ZNF14: variants seen among roughly 807,000 people sequenced by gnomAD.
ZNF14 encodes the protein zinc finger protein 14, also known as gonadotropin inducible transcription repressor-4.
A neutral mutation model predicts 11.3 loss-of-function variants in ZNF14; 9 were observed. The observed-to-expected ratio is 0.80, with a 90% CI of 0.48 to 1.39. ZNF14 has a LOEUF of 1.39. Among genes scored for constraint, ZNF14 ranks in the 40% most tolerant of loss-of-function variants. The pLI, the probability that ZNF14 is intolerant of heterozygous loss-of-function variation, is 0.00. For missense variants in ZNF14, 711 were observed against 763.9 expected, an observed-to-expected ratio of 0.93 and a Z score of 0.82; for synonymous variants, 239 against 245.7, an observed-to-expected ratio of 0.97 and a Z score of 0.25.
At chr19:19,713,748 C>T (rs968280380) in intron 3 of ZNF14, among the ~76,000 whole-genome samples, 9 of 120,202 alleles carry the variant, frequency 7.5e-5, no homozygotes, top group South Asian at 2.8e-4. Flanking sequence ...TGTGCCAGGC[C>T]TTTTTTTTTT....
chr19:19,724,956 A>G lies in ZNF14; in HGVS notation c.3+8000T>C, dbSNP rs1284676788. Among the ~76,000 whole-genome samples the G allele has an allele frequency of 3.8e-5, 5 of 132,442 alleles. 2 individuals carry two copies. Among genetic ancestry groups the G allele is most frequent in the African/African-American group, 1.4e-4 (5 of 35,706 alleles). The allele number at this position is 132,442 out of a possible 152,430, so 86.9% of individuals were successfully genotyped here. A position where few individuals can be genotyped will look rare whatever the true frequency, so the allele number is the denominator to read the frequency against. ...TTGGTAGATCTTCCTTTGTCCCTTT[A>G]TCTTGAGCCTATGTGTGTCTCTGCA... On this transcript the variant is annotated intron_variant, in intron 1 of 3. Transcript: ENST00000344099.
chr19:19,723,277 T>C (rs1477239376), intron 1 of ZNF14, among the ~76,000 whole-genome samples: 3 of 152,236 alleles, frequency 2.0e-5, no homozygotes, highest in African/African-American at 7.2e-5. Flanking sequence ...ATTGGGAGTT[T>C]TTAGCATGAA....
In ZNF14 at chr19:19,712,197, G is replaced by A. The variant is rs765849464; in HGVS notation, c.1084C>T (p.Pro362Ser). 6 of 1,613,890 alleles carry A rather than the reference G, an allele frequency of 3.7e-6. No individual in the cohort carries two copies. The highest frequency in any genetic ancestry group is 3.4e-6 in the Non-Finnish European group (4 of 1,180,012). Residue 362 changes from proline to serine, a missense_variant, in exon 4 of 4, where the codon CCA becomes TCA. Coordinates refer to ENST00000344099, the MANE Select transcript of ZNF14 (RefSeq NM_021030.3). ...TTGCCACATCGTTTACATTCATATGGTTTTTCTCCAATATGAGTTCTTTCA... is the reference window on the plus strand; with the variant it reads ...TTGCCACATCGTTTACATTCATATGATTTTTCTCCAATATGAGTTCTTTCA... ...VHERTHIGEKPYECKRCGKSF... is the reference protein window; with the variant it reads ...VHERTHIGEKSYECKRCGKSF...
chr19:19,721,910 C>G (rs2062394184), intron 1 of ZNF14, among the ~76,000 whole-genome samples: 1 of 151,086 alleles, frequency 6.6e-6, no homozygotes, highest in African/African-American at 2.4e-5. Flanking sequence ...ATGCAGTGAG[C>G]CAACATTGCG....
Position 19,712,052 on chromosome 19 carries a change from T to C in ZNF14, c.1229A>G (p.Glu410Gly), listed in dbSNP as rs2062362411. 1.9e-6 allele frequency: 3 copies of C among 1,613,850 alleles called. No individual in the cohort carries two copies. The Admixed American group carries it at 5.0e-5, about 27-fold the overall frequency. The change falls in exon 4 of 4, where the codon GAA becomes GGA. Residue 410 changes from glutamate to glycine, a missense_variant. Transcript: ENST00000344099. ...FSFSSSLREH[E>G]TTHTGEKPYE... ...GGGTTTCTCTCCAGTGTGAGTTGTT[T>C]CGTGTTCTCGAAGGGAACTTGAAAA... is the stretch of plus-strand genomic sequence containing the variant.
At chr19:19,721,011 G>A (rs533673311) in intron 1 of ZNF14, among the ~76,000 whole-genome samples, 21 of 152,202 alleles carry the variant, frequency 1.4e-4, no homozygotes, top group African/African-American at 4.3e-4. Flanking sequence ...AGGTTGGAGC[G>A]CAGTGGCGCG....
At chr19:19,714,039 T>G (rs931167254) in intron 3 of ZNF14, 52 bp downstream of exon 3, 7 of 1,474,552 alleles carry the variant, frequency 4.7e-6, no homozygotes, top group East Asian at 2.3e-5. Flanking sequence ...TTTTGCTTGC[T>G]TTCTTTTGAA....
At chr19:19,718,055 T>G (rs1195799791) in intron 1 of ZNF14, among the ~76,000 whole-genome samples, 1 of 152,182 alleles carries the variant, frequency 6.6e-6, no homozygotes, top group Non-Finnish European at 1.5e-5. Flanking sequence ...CAAGGCCTAT[T>G]TACCTCAGTT....
rs2062361150 is a variant in ZNF14 at position 19,711,789 on chromosome 19, T to C, written c.1492A>G (p.Thr498Ala). 2 of 1,613,550 alleles carry C rather than the reference T, an allele frequency of 1.2e-6. No homozygotes were observed. The highest frequency in any genetic ancestry group is 2.7e-5 in the African/African-American group (2 of 74,910). Reference sequence around the variant, plus strand: ...TTACATTCATAGGGTTTCTCTCCAGTGTGTGTTCTTTCATGCAGTCGAAAG... The same window carrying C: ...TTACATTCATAGGGTTTCTCTCCAGCGTGTGTTCTTTCATGCAGTCGAAAG... The part of the protein sequence containing the change: ...SSFRLHERTH[T>A]GEKPYECKLC... The change falls in exon 4 of 4, where the codon ACT (threonine) becomes GCT (alanine). Residue 498 changes from threonine to alanine, a missense_variant. Coordinates refer to ENST00000344099, the MANE Select transcript of ZNF14 (RefSeq NM_021030.3).
In ZNF14 at chr19:19,712,524, A is replaced by G. The variant is rs772538693; in HGVS notation, c.757T>C (p.Cys253Arg). ...CTGAAAGCCTTACCACATTGCTTACATTCATAGGGTTTCTCTCCAGTGTGA... is the reference window on the plus strand; with the variant it reads ...CTGAAAGCCTTACCACATTGCTTACGTTCATAGGGTTTCTCTCCAGTGTGA... Reference protein sequence around the residue: ...RTHTGEKPYECKQCGKAFSCP... With the variant: ...RTHTGEKPYERKQCGKAFSCP... Residue 253 changes from cysteine to arginine, a missense_variant, in exon 4 of 4, where the codon TGT becomes CGT. Physicochemically the swap from Cys to Arg is radical, Grantham distance 180. Coordinates refer to ENST00000344099, the MANE Select transcript of ZNF14 (RefSeq NM_021030.3). The G allele has an allele frequency of 1.4e-5, 22 of 1,613,394 alleles. No individual in the cohort carries two copies. Among genetic ancestry groups the G allele is most frequent in the East Asian group, 2.2e-5 (1 of 44,888 alleles).
intron 1 of ZNF14, 132 bp downstream of exon 1, chr19:19,732,824 G>A: frequency 8.1e-7 from 1 of 1,231,240 alleles, no homozygotes; most frequent in South Asian, 1.5e-5. Context: ...AGAGAGGACC[G>A]AGGGCCGAAC....
intron 1 of ZNF14, among the ~76,000 whole-genome samples, chr19:19,732,695 G>A (rs2145109772): frequency 6.6e-6 from 1 of 152,362 alleles, no homozygotes; most frequent in Admixed American, 6.5e-5. Context: ...AACAATCCGG[G>A]GAGACGCGGG....
Position 19,711,670 on chromosome 19 carries a change from A to C in ZNF14, c.1611T>G (p.Gly537=), listed in dbSNP as rs372909458. The C allele has an allele frequency of 1.2e-6, 2 of 1,613,734 alleles. No individual in the cohort carries two copies. Among genetic ancestry groups the C allele is most frequent in the African/African-American group, 2.7e-5 (2 of 74,784 alleles). Reference sequence around the variant, plus strand: ...TTTGACTGGAACGAAGGAAGGCCTTACCACATTGCTTACACTCAAAAGGCT... The same window carrying C: ...TTTGACTGGAACGAAGGAAGGCCTTCCCACATTGCTTACACTCAAAAGGCT... The part of the protein sequence containing the change: ...GNKPFECKQC[G]KAFLRSSQIR... The change falls in exon 4 of 4, where the codon GGT becomes GGG. Residue 537 remains glycine, a synonymous_variant. Coordinates refer to ENST00000344099, the MANE Select transcript of ZNF14 (RefSeq NM_021030.3).
chr19:19,717,789 T>C (rs1341104553), intron 1 of ZNF14, among the ~76,000 whole-genome samples: 1 of 152,182 alleles, frequency 6.6e-6, no homozygotes, highest in Non-Finnish European at 1.5e-5. Context: ...CTATAACATG[T>C]TTCCCTTCCA....
chr19:19,712,521 T>A lies in ZNF14; in HGVS notation c.760A>T (p.Lys254Ter). ...THTGEKPYEC[K>*]QCGKAFSCPT... ...CAACTGAAAGCCTTACCACATTGCT[T>A]ACATTCATAGGGTTTCTCTCCAGTG... The change falls in exon 4 of 4, where the codon AAG (lysine) becomes TAG (stop). Residue 254 changes from lysine to a stop codon, truncating the protein, a stop_gained. Coordinates refer to ENST00000344099, the MANE Select transcript of ZNF14 (RefSeq NM_021030.3). LOFTEE classifies it low-confidence loss of function (END_TRUNC). 1 of 1,613,592 alleles carries A rather than the reference T, an allele frequency of 6.2e-7. No homozygotes were observed. The highest frequency in any genetic ancestry group is 8.5e-7 in the Non-Finnish European group (1 of 1,179,888).
chr19:19,729,027 A>AG (rs2062415389), intron 1 of ZNF14, among the ~76,000 whole-genome samples: 1 of 152,178 alleles, frequency 6.6e-6, no homozygotes, highest in Non-Finnish European at 1.5e-5. Flanking sequence ...CCCAGGCTGG[A>AG]GTACAGTGGC....
intron 3 of ZNF14, among the ~76,000 whole-genome samples, chr19:19,713,796 T>C (rs2062369749): frequency 6.7e-6 from 1 of 149,026 alleles, no homozygotes. Context: ...TTACCCAGGC[T>C]GGTCTTGAAT....
chr19:19,714,713 C>CTTT lies in ZNF14; in HGVS notation c.4-229_4-227dup, dbSNP rs3031866. On this transcript the variant is annotated intron_variant, in intron 1 of 3. Coordinates refer to ENST00000344099, the MANE Select transcript of ZNF14 (RefSeq NM_021030.3). ...TTTTTTCTTTTTCCTTTTTCTTTTT[C>CTTT]TTTTTTTTTTTTTTTTGAGACAGAG... Among the ~76,000 whole-genome samples the CTTT allele has an allele frequency of 7.4e-3, 910 of 122,816 alleles. 26 individuals carry two copies. Among genetic ancestry groups the CTTT allele is most frequent in the African/African-American group, 0.026 (876 of 33,824 alleles). 80.6% of individuals were successfully genotyped at this position (122,816 alleles called of 152,430 possible). A position where few individuals can be genotyped will look rare whatever the true frequency, so the allele number is the denominator to read the frequency against.
chr19:19,728,573 T>C (rs1482977462), intron 1 of ZNF14, among the ~76,000 whole-genome samples: 1 of 123,414 alleles, frequency 8.1e-6, no homozygotes, highest in Non-Finnish European at 1.7e-5. Flanking sequence ...AGCTTAAATA[T>C]GATATATACT....
Sources: gnomAD v4.1 joint callset for allele counts (sites outside exome capture counted in the v4.1 genomes callset) on GRCh38, gnomAD v4.1.1 for gene constraint, MANE v1.5 for transcripts, NCBI Gene and HGNC (gene_info 2026-07-23, HGNC 2026-07-21) for gene names.